Variants in KTN1 observed in about 807,000 individuals in gnomAD.
KTN1 encodes kinectin 1.
KTN1 carries 130 observed loss-of-function variants against 222.5 expected under a neutral mutation model. The observed-to-expected ratio is 0.58, with a 90% confidence interval of 0.51 to 0.68. KTN1 has a LOEUF of 0.68. Ranked by LOEUF, KTN1 falls within the 30% of genes least tolerant of loss-of-function variation. The pLI is 0.00. For missense variants in KTN1, 1,508 were observed against 1,500.4 expected (o/e 1.01, Z -0.08); for synonymous variants, 512 against 496.3 (o/e 1.03, Z -0.42).
intron 37 of KTN1, 91 bp downstream of exon 37, chr14:55,671,968 C>G: frequency 1.3e-6 from 1 of 756,336 alleles, no homozygotes; most frequent in Non-Finnish European, 2.3e-6. Flanking sequence ...TTCTTGGGCC[C>G]CAACCCAGCT....
intron 1 of KTN1, among the ~76,000 whole-genome samples, chr14:55,583,670 C>T (rs1293283055): frequency 2.0e-5 from 3 of 152,072 alleles, no homozygotes; most frequent in Non-Finnish European, 4.4e-5. Flanking sequence ...TTTTATATTC[C>T]TCTGACAATC....
chr14:55,588,049 C>T (rs2033385896), intron 1 of KTN1, among the ~76,000 whole-genome samples: 2 of 152,108 alleles, frequency 1.3e-5, no homozygotes, highest in South Asian at 2.1e-4. Flanking sequence ...CACTAGCACC[C>T]TGTACAGTCA....
chr14:55,611,902 T>C (rs1566705441), intron 1 of KTN1, 117 bp from the exon 2 acceptor site: 1 of 434,338 alleles, frequency 2.3e-6, no homozygotes, highest in Non-Finnish European at 4.0e-6. Context: ...CCTGTTTAGA[T>C]TTGTAGGTCA....
intron 5 of KTN1, among the ~76,000 whole-genome samples, chr14:55,625,452 T>C (rs931532277): frequency 6.6e-6 from 1 of 152,222 alleles, no homozygotes; most frequent in Non-Finnish European, 1.5e-5. Flanking sequence ...ATTTTTTTCC[T>C]AGCTTCTTTC....
At chr14:55,580,529 G>C (rs886887233) in intron 1 of KTN1, among the ~76,000 whole-genome samples, 175 bp downstream of exon 1, 1 of 149,680 alleles carries the variant, frequency 6.7e-6, no homozygotes, top group Non-Finnish European at 1.5e-5. Flanking sequence ...TTGCCGCCGC[G>C]GGGCTCTTGT....
At chr14:55,665,333 A>T (rs889659323) in intron 33 of KTN1, among the ~76,000 whole-genome samples, 6 of 151,958 alleles carry the variant, frequency 3.9e-5, no homozygotes, top group African/African-American at 7.2e-5. Flanking sequence ...GGTGCTAATC[A>T]CACCATTCCT....
At chr14:55,641,074 T>G in intron 16 of KTN1, 53 bp from the exon 17 acceptor site, 1 of 1,482,610 alleles carries the variant, frequency 6.7e-7, no homozygotes, top group Non-Finnish European at 9.3e-7. Context: ...CCATAATTCT[T>G]GTAGATTTTC....
intron 29 of KTN1, among the ~76,000 whole-genome samples, chr14:55,657,397 G>GTTTTTTTTTTT (rs35297700): frequency 1.5e-5 from 2 of 137,662 alleles, no homozygotes; most frequent in African/African-American, 2.7e-5. Context: ...CTGAGTTGAC[G>GTTTTTTTTTTT]TTTTTTTTTT....
chr14:55,646,730 A>G (rs1021551438), intron 18 of KTN1, among the ~76,000 whole-genome samples: 1 of 151,720 alleles, frequency 6.6e-6, no homozygotes, highest in Non-Finnish European at 1.5e-5. Flanking sequence ...TTTTCATAAG[A>G]TACTAATTCA....
intron 18 of KTN1, among the ~76,000 whole-genome samples, chr14:55,642,613 T>G (rs938514160): frequency 3.9e-5 from 6 of 152,232 alleles, no homozygotes; most frequent in African/African-American, 1.4e-4. Context: ...AGCCGAAATG[T>G]AAAGCCATTG....
chr14:55,674,255 T>C (rs1007693573), intron 40 of KTN1: 1 of 151,958 alleles, frequency 6.6e-6, no homozygotes, highest in African/African-American at 2.4e-5. Context: ...ACCAGCAATT[T>C]TGGGGGGGGA....
At chr14:55,638,483 A>G (rs1353672361) in intron 12 of KTN1, among the ~76,000 whole-genome samples, 3 of 151,928 alleles carry the variant, frequency 2.0e-5, no homozygotes, top group African/African-American at 7.2e-5. Flanking sequence ...GAAGTCTGAC[A>G]TTTCTGTATA....
At chr14:55,683,105 T>C (rs989229026) in intron 43 of KTN1, 8 of 152,258 alleles carry the variant, frequency 5.3e-5, no homozygotes, top group Non-Finnish European at 5.9e-5. Flanking sequence ...GAAAAACTTA[T>C]CTTATTTCTA....
chr14:55,666,128 A>G (rs536042461), intron 33 of KTN1, among the ~76,000 whole-genome samples: 2 of 152,018 alleles, frequency 1.3e-5, no homozygotes, highest in African/African-American at 4.8e-5. Flanking sequence ...ATATCCTATT[A>G]AAACACCTAT....
chr14:55,600,764 T>C (rs1472743255), intron 1 of KTN1, among the ~76,000 whole-genome samples: 4 of 152,220 alleles, frequency 2.6e-5, no homozygotes, highest in Admixed American at 2.6e-4. Flanking sequence ...GACATGTTCT[T>C]TTGTCTTCAA....
rs776170138 is a variant in KTN1 at position 55,637,328 on chromosome 14, G to A, written c.1680G>A (p.Arg560=). The change falls in exon 11 of 44, where the codon AGG becomes AGA. Residue 560 remains arginine (R), a synonymous_variant. Coordinates refer to ENST00000395314, the MANE Select transcript of KTN1 (RefSeq NM_001079521.2). Reference sequence around the variant, plus strand: ...AGTTAATGGAATCAGAGCAGAAAAGGGTGAACAAAGAAGAGTCTCTACAAA... The same window carrying A: ...AGTTAATGGAATCAGAGCAGAAAAGAGTGAACAAAGAAGAGTCTCTACAAA... ...LMQLMESEQK[R]VNKEESLQMQ... 1.2e-5 allele frequency: 19 copies of A among 1,603,128 alleles called. No individual in the cohort carries two copies. The South Asian group carries it at 2.0e-4, about 17-fold the overall frequency.
chr14:55,617,899 C>A, intron 3 of KTN1, 65 bp from the exon 4 acceptor site: 1 of 1,143,934 alleles, frequency 8.7e-7, no homozygotes, highest in Non-Finnish European at 1.2e-6. Context: ...TTAAATTATG[C>A]TTGCATGTCA....
chr14:55,650,521 A>G (rs748582019), intron 23 of KTN1, 48 bp from the exon 24 acceptor site: 3 of 1,542,652 alleles, frequency 1.9e-6, no homozygotes, highest in Non-Finnish European at 2.7e-6. Flanking sequence ...TTTTATGTCA[A>G]TTTCTGTGTT....
chr14:55,630,142 C>CAA (rs764568147), intron 7 of KTN1, 45 bp downstream of exon 7: 110 of 1,566,298 alleles, frequency 7.0e-5, no homozygotes, highest in Admixed American at 8.4e-5. Flanking sequence ...GTTGCATTCA[C>CAA]TTTATTAGCA....
Sources: allele counts gnomAD v4.1 joint callset (sites outside exome capture counted in the v4.1 genomes callset), GRCh38; gene constraint gnomAD v4.1.1; transcripts MANE v1.5; gene names NCBI Gene and HGNC (gene_info 2026-07-23, HGNC 2026-07-21).